The following MOSMO variants were observed in gnomAD, a reference collection of about 807,000 sequenced individuals.
The protein encoded by MOSMO is modulator of smoothened, also known as modulator of smoothened protein.
Under a neutral mutation model 18.4 loss-of-function variants are expected in MOSMO, and 5 were observed. The observed-to-expected ratio is 0.27, with a 90% CI of 0.14 to 0.57. The LOEUF is 0.57. Ranked by LOEUF, MOSMO falls within the 20% of genes least tolerant of loss-of-function variation. The probability of loss-of-function intolerance (pLI) is 0.92; values close to 1 mark genes in which losing one functional copy is unlikely to be tolerated. For synonymous variants in MOSMO, 82 were observed against 82.3 expected (o/e 1.00, Z 0.02); for missense variants, 138 against 211.8 (o/e 0.65, Z 2.16).
At chr16:22,078,778 G>A (rs1901022538) in intron 2 of MOSMO, among the ~76,000 whole-genome samples, 1 of 152,146 alleles carries the variant, frequency 6.6e-6, no homozygotes. Flanking sequence ...ATATTAAGCT[G>A]TGGAACCATT....
chr16:22,009,802 TAC>T (rs1899481311), intron 1 of MOSMO, among the ~76,000 whole-genome samples: 4 of 2,806 alleles, frequency 1.4e-3, no homozygotes, highest in Admixed American at 3.8e-3. Flanking sequence ...CTACTAAAAA[TAC>T]AAAAAAAAAA....
downstream of MOSMO, among the ~76,000 whole-genome samples, chr16:22,086,491 G>A (rs1901181798): frequency 1.3e-5 from 2 of 152,082 alleles, 1 homozygote; most frequent in Admixed American, 1.3e-4. Context: ...TTTGTGCTTT[G>A]TGTCTCTTTT....
intron 1 of MOSMO, among the ~76,000 whole-genome samples, chr16:22,058,413 G>A (rs1373703536): frequency 2.1e-5 from 3 of 145,728 alleles, no homozygotes; most frequent in Non-Finnish European, 3.0e-5. Flanking sequence ...GTGACAGAGC[G>A]AGACTCCGTC....
chr16:22,011,602 G>C (rs1899529391), intron 1 of MOSMO, among the ~76,000 whole-genome samples: 1 of 152,134 alleles, frequency 6.6e-6, no homozygotes, highest in African/African-American at 2.4e-5. Context: ...GAATGGCAGG[G>C]GATCGTAGGC....
In MOSMO at chr16:22,010,304, A is replaced by G. The variant is rs547690203; in HGVS notation, c.106+1897A>G. On this transcript the variant is annotated intron_variant, in intron 1 of 2. Transcript: ENST00000542527. Reference sequence around the variant, plus strand: ...GGATGGTTTCGAATTTGGTGGTACTATGGGCTTTGTTTATGAAAATATTGT... The same window carrying G: ...GGATGGTTTCGAATTTGGTGGTACTGTGGGCTTTGTTTATGAAAATATTGT... 9.2e-5 allele frequency among the ~76,000 whole-genome samples: 14 copies of G among 152,344 alleles called. 1 individual carries two copies. The South Asian group carries it at 2.5e-3, about 27-fold the overall frequency.
chr16:22,046,162 G>A (rs1050442902), intron 1 of MOSMO, among the ~76,000 whole-genome samples: 3 of 152,078 alleles, frequency 2.0e-5, no homozygotes, highest in Non-Finnish European at 4.4e-5. Flanking sequence ...GAGTGCACAG[G>A]AAAGCTAAAG....
rs568902429 is a variant in MOSMO, at chr16:22,073,283, C to CT, written c.107-2203dup. On this transcript the variant is annotated intron_variant, in intron 1 of 2. Coordinates refer to ENST00000542527, the MANE Select transcript of MOSMO (RefSeq NM_001164579.2). ...ACTAGGTATGTAGTTACCTTTGTAA[C>CT]TGTACAGACTTTGTATGTTAAATTG... is the stretch of plus-strand genomic sequence containing the variant. Among the ~76,000 whole-genome samples the CT allele has an allele frequency of 8.7e-4, 133 of 152,262 alleles. 1 individual carries two copies. In the East Asian group the frequency reaches 0.02, roughly 23 times the overall value.
At chr16:22,056,217 C>A (rs1486099772) in intron 1 of MOSMO, among the ~76,000 whole-genome samples, 2 of 152,034 alleles carry the variant, frequency 1.3e-5, no homozygotes, top group Non-Finnish European at 1.5e-5. Flanking sequence ...TTATTTAGTT[C>A]TCTTTCTAAA....
intron 1 of MOSMO, among the ~76,000 whole-genome samples, chr16:22,035,197 G>A (rs1011408888): frequency 6.6e-6 from 1 of 152,030 alleles, no homozygotes; most frequent in African/African-American, 2.4e-5. Context: ...CTGTGCCCTG[G>A]GCTGTGATCT....
chr16:22,092,029 G>A (rs922873240), downstream of MOSMO, among the ~76,000 whole-genome samples: 3 of 152,250 alleles, frequency 2.0e-5, no homozygotes, highest in South Asian at 2.1e-4. Flanking sequence ...ATGGGCATCC[G>A]GGCTTAGGAA....
At chr16:22,034,345 C>G (rs1900058406) in intron 1 of MOSMO, among the ~76,000 whole-genome samples, 1 of 152,192 alleles carries the variant, frequency 6.6e-6, no homozygotes, top group South Asian at 2.1e-4. Context: ...TGACTGAAAT[C>G]ATTTTCTTTC....
intron 1 of MOSMO, among the ~76,000 whole-genome samples, chr16:22,062,052 G>T (rs1269070921): frequency 6.6e-6 from 1 of 152,084 alleles, no homozygotes. Context: ...CACACTGATG[G>T]CACAGAGAAA....
chr16:22,090,866 G>A (rs1901297615), downstream of MOSMO, among the ~76,000 whole-genome samples: 1 of 152,140 alleles, frequency 6.6e-6, no homozygotes, highest in Admixed American at 6.5e-5. Flanking sequence ...TATCCACCTG[G>A]CAGAGATCTA....
At chr16:22,051,542 A>G (rs1449755991) in intron 1 of MOSMO, among the ~76,000 whole-genome samples, 1 of 152,188 alleles carries the variant, frequency 6.6e-6, no homozygotes, top group Non-Finnish European at 1.5e-5. Context: ...CTTGTACTTC[A>G]TTAAGGGAAG....
intron 1 of MOSMO, among the ~76,000 whole-genome samples, chr16:22,040,458 C>T (rs1900189189): frequency 6.6e-6 from 1 of 152,054 alleles, no homozygotes; most frequent in Non-Finnish European, 1.5e-5. Context: ...TATTAGAGGG[C>T]ATAATAAGAA....
intron 1 of MOSMO, among the ~76,000 whole-genome samples, chr16:22,022,316 C>T (rs552955512): frequency 2.0e-5 from 3 of 152,244 alleles, no homozygotes; most frequent in East Asian, 3.9e-4. Flanking sequence ...AGCCACTGCC[C>T]AGGCCCTGCC....
At chr16:22,064,441 A>G (rs1900711211) in intron 1 of MOSMO, 1 of 456,136 alleles carries the variant, frequency 2.2e-6, no homozygotes, top group Non-Finnish European at 4.4e-6. Context: ...AAGAAACAGT[A>G]AGTATCCTTG....
At chr16:22,089,313 C>A (rs1188526086), downstream of MOSMO, among the ~76,000 whole-genome samples, 1 of 152,130 alleles carries the variant, frequency 6.6e-6, no homozygotes, top group African/African-American at 2.4e-5. Context: ...AGCAGTCCTC[C>A]AGCCTCGACC....
intron 2 of MOSMO, among the ~76,000 whole-genome samples, chr16:22,080,030 C>T (rs1339194052): frequency 2.0e-5 from 3 of 152,120 alleles, no homozygotes; most frequent in Non-Finnish European, 2.9e-5. Flanking sequence ...GTTATCCGCC[C>T]GCCTCGGCCC....
Sources: allele counts gnomAD v4.1 joint callset (sites outside exome capture counted in the v4.1 genomes callset), GRCh38; gene constraint gnomAD v4.1.1; transcripts MANE v1.5; gene names NCBI Gene and HGNC (gene_info 2026-07-23, HGNC 2026-07-21).